The following PTBP3 variants were observed in gnomAD, a reference collection of about 807,000 sequenced individuals.
PTBP3 encodes the protein polypyrimidine tract binding protein 3.
In PTBP3, 20 loss-of-function variants were observed where a neutral mutation model predicts 58.7. The ratio of observed to expected loss-of-function variants is 0.34; its 90% CI spans 0.24 to 0.50. The LOEUF (loss-of-function observed/expected upper bound fraction) is 0.50. PTBP3 is among the 20% of genes least tolerant of loss of function. The pLI is 0.98. For synonymous variants in PTBP3, 185 were observed against 219.8 expected (o/e 0.84, Z 1.40); for missense variants, 509 against 637.2 (o/e 0.80, Z 2.17).
the PTBP3 span, among the ~76,000 whole-genome samples, chr9:112,361,664 T>C: frequency 6.6e-6 from 1 of 152,246 alleles, no homozygotes; most frequent in South Asian, 2.1e-4. Context: ...TGTGGCATTA[T>C]ACAATTTTGA....
At position 112,222,648 on chromosome 9, in the gene PTBP3, T is replaced by C. The variant is rs1025297974; in HGVS notation, c.*1203A>G. 1.2e-5 allele frequency: 12 copies of C among 985,644 alleles called. No homozygotes were observed. Among genetic ancestry groups the C allele is most frequent in the Non-Finnish European group, 1.3e-5 (11 of 829,874 alleles). The allele number at this position is 985,644 out of a possible 1,614,324, so 61.1% of individuals were successfully genotyped here. On this transcript the variant is annotated 3_prime_UTR_variant, in exon 14 of 14. Transcript: ENST00000374257. ...AAAATTTGATAAAAACTATTACTTATTGAAAACCACTTAAAATTGCAATGA... is the reference window on the plus strand; with the variant it reads ...AAAATTTGATAAAAACTATTACTTACTGAAAACCACTTAAAATTGCAATGA...
chr9:112,352,479 G>C, the PTBP3 span, among the ~76,000 whole-genome samples: 1 of 152,034 alleles, frequency 6.6e-6, no homozygotes, highest in South Asian at 2.1e-4. Flanking sequence ...TTCAGTCATG[G>C]GTCAGCAAAC....
Position 112,223,917 on chromosome 9 carries a change from C to T in PTBP3, c.1509G>A (p.Glu503=). The T allele has an allele frequency of 6.2e-7, 1 of 1,613,766 alleles. No individual in the cohort carries two copies. Among genetic ancestry groups the T allele is most frequent in the Non-Finnish European group, 8.5e-7 (1 of 1,179,836 alleles). Reference sequence around the variant, plus strand: ...TTTCTCCAAGGTCATGGTTATGAAGCTCAATGAGGGCCTGAATTGCTTCTT... The same window carrying T: ...TTTCTCCAAGGTCATGGTTATGAAGTTCAATGAGGGCCTGAATTGCTTCTT... ...SVEEAIQALI[E]LHNHDLGENH... The change falls in exon 14 of 14, where the codon GAG becomes GAA. Residue 503 remains glutamate, a synonymous_variant. Coordinates refer to ENST00000374257, the MANE Select transcript of PTBP3 (RefSeq NM_001163788.4).
chr9:112,311,860 A>T (rs1164825566), intron 1 of PTBP3, among the ~76,000 whole-genome samples: 3 of 152,182 alleles, frequency 2.0e-5, no homozygotes, highest in Non-Finnish European at 2.9e-5. Flanking sequence ...AAGCAAGAGG[A>T]TCATCAGAGC....
the PTBP3 span, among the ~76,000 whole-genome samples, chr9:112,376,167 A>C: frequency 7.0e-6 from 1 of 142,068 alleles, no homozygotes; most frequent in Non-Finnish European, 1.5e-5. Context: ...ATATATATAT[A>C]TATATATATA....
At chr9:112,254,667 C>G (rs550269213) in intron 5 of PTBP3, among the ~76,000 whole-genome samples, 19 of 152,232 alleles carry the variant, frequency 1.2e-4, no homozygotes, top group African/African-American at 4.1e-4. Flanking sequence ...CAAATCAAAA[C>G]TACATATCAC....
chr9:112,228,604 A>C (rs1298228195), intron 10 of PTBP3, 132 bp from the exon 11 acceptor site: 7 of 556,336 alleles, frequency 1.3e-5, no homozygotes, highest in Admixed American at 1.1e-4. Flanking sequence ...GCAAATTTTT[A>C]TCTCTTCCAA....
rs1835281997 is a variant in PTBP3, at chr9:112,232,427, A to C, written c.881-189T>G. Among the ~76,000 whole-genome samples the C allele has an allele frequency of 2.0e-5, 3 of 152,276 alleles. No homozygotes were observed. The South Asian group carries it at 6.2e-4, about 32-fold the overall frequency. ...TGCAAGCTGAGCTCCTCATCTATTGACATTACTATACTTAGTGCTCTATTA... is the reference window on the plus strand; with the variant it reads ...TGCAAGCTGAGCTCCTCATCTATTGCCATTACTATACTTAGTGCTCTATTA... On this transcript the variant is annotated intron_variant, in intron 8 of 13. Transcript: ENST00000374257.
At chr9:112,332,118 A>G (rs1830399897) in intron 1 of PTBP3, among the ~76,000 whole-genome samples, 1 of 152,350 alleles carries the variant, frequency 6.6e-6, no homozygotes, top group Middle Eastern at 3.4e-3. Context: ...CAATCAAACA[A>G]TAAAAACAGC....
chr9:112,307,887 T>A (rs1270561916), intron 1 of PTBP3, among the ~76,000 whole-genome samples: 1 of 152,266 alleles, frequency 6.6e-6, no homozygotes. Context: ...CGGCACAGGA[T>A]GGCTTTGAGT....
intron 1 of PTBP3, among the ~76,000 whole-genome samples, chr9:112,305,554 C>T (rs976955830): frequency 6.6e-6 from 1 of 152,176 alleles, no homozygotes; most frequent in Non-Finnish European, 1.5e-5. Flanking sequence ...GTCCACTCGA[C>T]AACAGTACTT....
chr9:112,235,112 G>GT (rs1183215271), intron 7 of PTBP3, among the ~76,000 whole-genome samples: 1 of 152,080 alleles, frequency 6.6e-6, no homozygotes, highest in Admixed American at 6.6e-5. Context: ...CAAGAGTACA[G>GT]TTTAGCTATG....
chr9:112,246,064 C>G (rs1835864098), intron 7 of PTBP3, among the ~76,000 whole-genome samples: 1 of 151,776 alleles, frequency 6.6e-6, no homozygotes, highest in Non-Finnish European at 1.5e-5. Context: ...TTCACTGCAG[C>G]CTCCACCTCC....
intron 1 of PTBP3, among the ~76,000 whole-genome samples, chr9:112,326,101 G>A (rs1830145736): frequency 6.6e-6 from 1 of 152,186 alleles, no homozygotes; most frequent in South Asian, 2.1e-4. Flanking sequence ...AGGCAACAGG[G>A]AACTTTCTAG....
At chr9:112,330,443 T>C in intron 1 of PTBP3, 2 of 1,522,308 alleles carry the variant, frequency 1.3e-6, no homozygotes, top group South Asian at 1.2e-5. Context: ...ATTCCTACCT[T>C]TAAACCGACT....
At chr9:112,332,752 C>T in intron 1 of PTBP3, 1 of 1,609,274 alleles carries the variant, frequency 6.2e-7, no homozygotes, top group East Asian at 2.2e-5. Context: ...GAAATGCCCC[C>T]GAAAATCGCT....
chr9:112,296,747 C>T (rs1010002751), intron 2 of PTBP3, among the ~76,000 whole-genome samples: 1 of 152,146 alleles, frequency 6.6e-6, no homozygotes, highest in African/African-American at 2.4e-5. Flanking sequence ...GAACCTGTGT[C>T]GTCCAACTCT....
At chr9:112,297,078 C>T (rs565505945) in intron 2 of PTBP3, among the ~76,000 whole-genome samples, 36 of 152,274 alleles carry the variant, frequency 2.4e-4, no homozygotes, top group African/African-American at 5.1e-4. Context: ...ATTCACTTTA[C>T]GGCCACTAAA....
At chr9:112,374,087 C>T in the PTBP3 span, among the ~76,000 whole-genome samples, 186 of 152,190 alleles carry the variant, frequency 1.2e-3, 2 homozygotes, top group African/African-American at 4.3e-3. Context: ...ACCTTAACCA[C>T]GGGGTATGGT....
Sources: gnomAD v4.1 joint callset for allele counts (sites outside exome capture counted in the v4.1 genomes callset) on GRCh38, gnomAD v4.1.1 for gene constraint, MANE v1.5 for transcripts, NCBI Gene and HGNC (gene_info 2026-07-23, HGNC 2026-07-21) for gene names.